Variants in AGPS observed in about 807,000 individuals in gnomAD.
AGPS encodes alkylglycerone phosphate synthase.
A neutral mutation model predicts 90.7 loss-of-function variants in AGPS; 26 were observed. That is an observed-to-expected ratio of 0.29 (90% confidence interval 0.21 to 0.40). AGPS has a LOEUF of 0.40. AGPS is among the 10% of genes least tolerant of loss of function. The probability of loss-of-function intolerance (pLI) is 1.00; values close to 1 mark genes in which losing one functional copy is unlikely to be tolerated. For synonymous variants in AGPS, 294 were observed against 285.3 expected, an observed-to-expected ratio of 1.03 and a Z score of -0.31; for missense variants, 540 against 816.1, an observed-to-expected ratio of 0.66 and a Z score of 4.12.
intron 2 of AGPS, among the ~76,000 whole-genome samples, chr2:177,424,831 AG>A (rs1559040410): frequency 6.6e-6 from 1 of 152,102 alleles, no homozygotes; most frequent in African/African-American, 2.4e-5. Context: ...TCTAATGATG[AG>A]TGATGCTGAG....
At chr2:177,459,875 C>T (rs1422934913) in intron 8 of AGPS, among the ~76,000 whole-genome samples, 1 of 152,166 alleles carries the variant, frequency 6.6e-6, no homozygotes, top group Non-Finnish European at 1.5e-5. Flanking sequence ...TGTATGTTTA[C>T]TGCAGCACTA....
At chr2:177,408,426 G>C (rs1685522318) in intron 1 of AGPS, among the ~76,000 whole-genome samples, 1 of 152,100 alleles carries the variant, frequency 6.6e-6, no homozygotes, top group Non-Finnish European at 1.5e-5. Flanking sequence ...CATGAACTAG[G>C]CAAATTTCCA....
intron 16 of AGPS, among the ~76,000 whole-genome samples, chr2:177,510,158 A>G (rs895159718): frequency 6.6e-6 from 1 of 152,114 alleles, no homozygotes; most frequent in East Asian, 1.9e-4. Context: ...ACAAGAAACA[A>G]TTATTTCTTA....
intron 7 of AGPS, 36 bp downstream of exon 7, chr2:177,442,522 C>A (rs1165862899): frequency 8.2e-6 from 12 of 1,464,140 alleles, no homozygotes; most frequent in Non-Finnish European, 1.1e-5. Context: ...AAAACATTTT[C>A]TTTATTGGCT....
At chr2:177,457,403 G>A (rs1687152380) in intron 8 of AGPS, among the ~76,000 whole-genome samples, 1 of 152,082 alleles carries the variant, frequency 6.6e-6, no homozygotes, top group Non-Finnish European at 1.5e-5. Context: ...TCCAGGAGCT[G>A]TTTTTTGAAA....
chr2:177,517,727 C>T (rs1689062713), intron 17 of AGPS, among the ~76,000 whole-genome samples: 1 of 152,136 alleles, frequency 6.6e-6, no homozygotes, highest in Non-Finnish European at 1.5e-5. Context: ...CTTTACTCAT[C>T]TTCCTCAAAT....
intron 14 of AGPS, among the ~76,000 whole-genome samples, chr2:177,500,480 TTTCA>T (rs1315438600): frequency 6.6e-6 from 1 of 152,056 alleles, no homozygotes; most frequent in African/African-American, 2.4e-5. Context: ...TTCATTTCTT[TTTCA>T]TTGTTTTTTA....
chr2:177,393,139 G>A, intron 1 of AGPS, 90 bp downstream of exon 1: 2 of 1,549,366 alleles, frequency 1.3e-6, no homozygotes, highest in Non-Finnish European at 1.7e-6. Flanking sequence ...GAAGGGAAGT[G>A]ACACGGGTGG....
intron 11 of AGPS, among the ~76,000 whole-genome samples, chr2:177,483,415 C>A (rs1688004267): frequency 6.6e-6 from 1 of 152,154 alleles, no homozygotes; most frequent in Non-Finnish European, 1.5e-5. Flanking sequence ...AATTCACCAG[C>A]TGATGTGGTA....
rs1319569857 is a variant in AGPS at position 177,512,751 on chromosome 2, C to T, written c.1608-1068C>T. On this transcript the variant is annotated intron_variant, in intron 16 of 19. Coordinates refer to ENST00000264167, the MANE Select transcript of AGPS (RefSeq NM_003659.4). ...TAATATCAAATAGTCCAGCATAACA[C>T]ATTAATACTTTACATCGTTTGTCTT... Among the ~76,000 whole-genome samples, 3 of 152,186 alleles carry T rather than the reference C, an allele frequency of 2.0e-5. No homozygotes were observed. The East Asian group carries it at 5.8e-4, about 29-fold the overall frequency.
rs906774202 is a variant in AGPS at position 177,543,209 on chromosome 2, G to C, written c.*5014G>C. 6.6e-6 allele frequency: 1 copy of C among 152,150 alleles called. No homozygotes were observed. The highest frequency in any genetic ancestry group is 1.5e-5 in the Non-Finnish European group (1 of 68,038). 9.4% of individuals were successfully genotyped at this position (152,150 alleles called of 1,614,324 possible). On this transcript the variant is annotated 3_prime_UTR_variant, in exon 20 of 20. Transcript: ENST00000264167. ...CTCACTACATTCTTTCTGGATGTTT[G>C]CTCACAGGCTCCCTGAGGAGCAGAA...
chr2:177,456,353 C>G (rs909102593), intron 8 of AGPS, among the ~76,000 whole-genome samples: 1 of 152,182 alleles, frequency 6.6e-6, no homozygotes, highest in African/African-American at 2.4e-5. Context: ...ACTTACTATG[C>G]ACCAGCAGTT....
At chr2:177,458,341 G>A (rs1172727555) in intron 8 of AGPS, among the ~76,000 whole-genome samples, 1 of 152,156 alleles carries the variant, frequency 6.6e-6, no homozygotes, top group Non-Finnish European at 1.5e-5. Context: ...TCTGGCCAGG[G>A]CAATCAGGCA....
At chr2:177,434,898 A>G (rs1264276676) in intron 3 of AGPS, among the ~76,000 whole-genome samples, 2 of 150,952 alleles carry the variant, frequency 1.3e-5, no homozygotes, top group Non-Finnish European at 3.0e-5. Flanking sequence ...AGAATTATAA[A>G]AAGTAAAAAT....
intron 16 of AGPS, among the ~76,000 whole-genome samples, chr2:177,513,085 C>CATT (rs10528684): frequency 1.3e-5 from 2 of 149,968 alleles, no homozygotes; most frequent in Non-Finnish European, 3.0e-5. Flanking sequence ...TTAATTGAAT[C>CATT]ATTATTATTA....
chr2:177,503,567 G>C (rs936351998), intron 14 of AGPS, among the ~76,000 whole-genome samples: 3 of 152,152 alleles, frequency 2.0e-5, no homozygotes, highest in African/African-American at 7.2e-5. Flanking sequence ...GGGGATCGAT[G>C]TTGCTACTTT....
At chr2:177,434,295 G>A (rs1220808447) in intron 2 of AGPS, 32 bp from the exon 3 acceptor site, 2 of 1,466,048 alleles carry the variant, frequency 1.4e-6, no homozygotes, top group East Asian at 2.3e-5. Context: ...AAGATACTTT[G>A]CTCTAATATT....
chr2:177,523,360 T>C (rs926730649), intron 18 of AGPS, among the ~76,000 whole-genome samples: 1 of 152,190 alleles, frequency 6.6e-6, no homozygotes, highest in Non-Finnish European at 1.5e-5. Flanking sequence ...TCTGGTACAC[T>C]TATAGGAAGC....
intron 11 of AGPS, among the ~76,000 whole-genome samples, chr2:177,484,560 C>T (rs924359458): frequency 3.3e-5 from 5 of 151,764 alleles, no homozygotes; most frequent in South Asian, 2.1e-4. Context: ...TGGCCAGGCT[C>T]GTCTCGAACT....
Sources: allele counts gnomAD v4.1 joint callset (sites outside exome capture counted in the v4.1 genomes callset), GRCh38; gene constraint gnomAD v4.1.1; transcripts MANE v1.5; gene names NCBI Gene and HGNC (gene_info 2026-07-23, HGNC 2026-07-21).